The following PPP1R3A variants were observed in gnomAD, a reference collection of about 807,000 sequenced individuals.
The protein encoded by PPP1R3A is RG1.
PPP1R3A carries 29 observed loss-of-function variants against 41.7 expected under a neutral mutation model. That is an observed-to-expected ratio of 0.70 (90% CI 0.52 to 0.95). The LOEUF (loss-of-function observed/expected upper bound fraction) is 0.95. PPP1R3A is among the 40% of genes least tolerant of loss of function. The pLI, the probability that PPP1R3A is intolerant of heterozygous loss-of-function variation, is 0.00. For missense variants in PPP1R3A, 1,352 were observed against 1,292.4 expected (o/e 1.05, Z -0.71); for synonymous variants, 485 against 453.4 (o/e 1.07, Z -0.89).
chr7:113,894,011 G>A (rs1438002998), intron 1 of PPP1R3A, among the ~76,000 whole-genome samples: 5 of 151,920 alleles, frequency 3.3e-5, no homozygotes, highest in Non-Finnish European at 5.9e-5. Context: ...GTGGTAGGTG[G>A]TGGTGTTTTT....
chr7:113,905,709 C>A (rs183700147), intron 1 of PPP1R3A, among the ~76,000 whole-genome samples: 66 of 151,800 alleles, frequency 4.3e-4, no homozygotes, highest in African/African-American at 1.5e-3. Context: ...AGGGAAGGAC[C>A]AAGACTCTGC....
In PPP1R3A at chr7:113,878,762, T is replaced by C; in HGVS notation, c.2330A>G (p.Glu777Gly). 3 of 1,613,524 alleles carry C rather than the reference T, an allele frequency of 1.9e-6. No homozygotes were observed. The highest frequency in any genetic ancestry group is 2.5e-6 in the Non-Finnish European group (3 of 1,179,708). ...EVKETAFDPH[E>G]GRNDDSHYTL... ...ATAATGTGAATCATCATTTCTCCCT[T>C]CATGTGGATCAAACGCTGTTTCCTT... Residue 777 changes from glutamate to glycine, a missense_variant, in exon 4 of 4, where the codon GAA becomes GGA. Transcript: ENST00000284601.
At chr7:113,895,129 A>G (rs1796957094) in intron 1 of PPP1R3A, among the ~76,000 whole-genome samples, 1 of 151,924 alleles carries the variant, frequency 6.6e-6, no homozygotes, top group South Asian at 2.1e-4. Context: ...CATGTGGTTT[A>G]TTTTTTAAAG....
At position 113,918,689 on chromosome 7, in the gene PPP1R3A, T is replaced by G; in HGVS notation, c.308A>C (p.Glu103Ala). The G allele has an allele frequency of 6.2e-7, 1 of 1,613,734 alleles. No individual in the cohort carries two copies. Among genetic ancestry groups the G allele is most frequent in the Non-Finnish European group, 8.5e-7 (1 of 1,179,842 alleles). The change falls in exon 1 of 4, where the codon GAA becomes GCA. Residue 103 changes from glutamate (E) to alanine (A), a missense_variant. Glu to Ala is a moderately radical substitution (Grantham distance 107). Transcript: ENST00000284601. ...GTCAAACAGTGGGGCTAAAACATAT[T>G]CTTCTGTGTGGAAAATGTCCGTCCC... is the stretch of plus-strand genomic sequence containing the variant. ...DLGTDIFHTE[E>A]YVLAPLFDLP...
chr7:113,878,369 C>T lies in PPP1R3A; in HGVS notation c.2723G>A (p.Arg908Lys), dbSNP rs147747506. Reference sequence around the variant, plus strand: ...AAAAGGAGAGCTATTCTGAGGAGCTCTATTAGTGTCTGAGTTAAAAGCAGA... The same window carrying T: ...AAAAGGAGAGCTATTCTGAGGAGCTTTATTAGTGTCTGAGTTAAAAGCAGA... ...VHSAFNSDTN[R>K]APQNSSPFSK... Residue 908 changes from arginine to lysine, a missense_variant, in exon 4 of 4, where the codon AGA becomes AAA. Arg to Lys is a conservative substitution (Grantham distance 26). Coordinates refer to ENST00000284601, the MANE Select transcript of PPP1R3A (RefSeq NM_002711.4). The T allele has an allele frequency of 1.2e-6, 2 of 1,612,358 alleles. No individual in the cohort carries two copies. The highest frequency in any genetic ancestry group is 3.3e-5 in the Admixed American group (2 of 59,838).
At chr7:113,882,610 C>A (rs1796712733) in intron 1 of PPP1R3A, among the ~76,000 whole-genome samples, 1 of 151,716 alleles carries the variant, frequency 6.6e-6, no homozygotes, top group South Asian at 2.1e-4. Context: ...ACTTATATAA[C>A]CAAAGTAAAA....
At chr7:113,881,475 A>G (rs1235955598) in intron 3 of PPP1R3A, among the ~76,000 whole-genome samples, 4 of 152,082 alleles carry the variant, frequency 2.6e-5, no homozygotes, top group African/African-American at 2.4e-5. Flanking sequence ...TATGAAATTT[A>G]TAACAAATTT....
intron 1 of PPP1R3A, among the ~76,000 whole-genome samples, chr7:113,916,532 A>G (rs1797345901): frequency 6.6e-6 from 1 of 152,048 alleles, no homozygotes; most frequent in Admixed American, 6.6e-5. Flanking sequence ...ACAGTTCAGC[A>G]GGTATTGCTT....
chr7:113,908,354 AT>A (rs1298740973), intron 1 of PPP1R3A, among the ~76,000 whole-genome samples: 3 of 151,736 alleles, frequency 2.0e-5, no homozygotes, highest in African/African-American at 7.3e-5. Flanking sequence ...GTGTGTGTGT[AT>A]TTTTTCCACA....
intron 1 of PPP1R3A, among the ~76,000 whole-genome samples, chr7:113,893,800 C>G (rs1197955041): frequency 6.6e-6 from 1 of 152,090 alleles, no homozygotes; most frequent in African/African-American, 2.4e-5. Flanking sequence ...TTGCCCAGTA[C>G]CTCGGAGCTT....
chr7:113,905,799 G>A (rs187878249), intron 1 of PPP1R3A, among the ~76,000 whole-genome samples: 20 of 151,914 alleles, frequency 1.3e-4, no homozygotes, highest in Non-Finnish European at 2.4e-4. Flanking sequence ...CCACATAAGC[G>A]TCAGCACTAA....
rs763720752 is a variant in PPP1R3A, at chr7:113,918,985, A to C, written c.12T>G (p.Ser4=). 1.2e-6 allele frequency: 2 copies of C among 1,612,132 alleles called. No individual in the cohort carries two copies. The highest frequency in any genetic ancestry group is 1.7e-6 in the Non-Finnish European group (2 of 1,178,526). MEP[S]EVPSQISKDN... The stretch of plus-strand genomic sequence containing the variant: ...CTTTGCTAATCTGACTAGGTACTTC[A>C]GAAGGCTCCATTGGGCTCTCTGATA... The change falls in exon 1 of 4, where the codon TCT becomes TCG. Residue 4 remains serine (S), a synonymous_variant. Transcript: ENST00000284601.
chr7:113,882,543 C>T (rs1027795092), intron 1 of PPP1R3A, among the ~76,000 whole-genome samples: 4 of 151,558 alleles, frequency 2.6e-5, no homozygotes, highest in Admixed American at 6.6e-5. Flanking sequence ...TCAAACAATG[C>T]CATATTTCTA....
intron 1 of PPP1R3A, among the ~76,000 whole-genome samples, chr7:113,893,204 C>G (rs1431294113): frequency 6.6e-6 from 1 of 151,896 alleles, no homozygotes; most frequent in Admixed American, 6.6e-5. Context: ...TTTAAGAGCT[C>G]TACATCTGTA....
chr7:113,918,135 T>C (rs554229687), intron 1 of PPP1R3A, 80 bp downstream of exon 1: 1 of 1,376,008 alleles, frequency 7.3e-7, no homozygotes, highest in Non-Finnish European at 9.9e-7. Flanking sequence ...ATAGAGTCAC[T>C]TTCTTACAAC....
rs199556516 is a variant in PPP1R3A, at chr7:113,879,446, T to G, written c.1646A>C (p.Lys549Thr). Residue 549 changes from lysine to threonine, a missense_variant, in exon 4 of 4, where the codon AAA becomes ACA. Transcript: ENST00000284601. ...HDQERKMGNP[K>T]ISVAGIGASN... ...AGCTCCAATCCCTGCCACACTTATT[T>G]TAGGGTTACCCATCTTCCTTTCTTG... The G allele has an allele frequency of 1.2e-6, 2 of 1,613,502 alleles. No homozygotes were observed. The highest frequency in any genetic ancestry group is 2.2e-5 in the South Asian group (2 of 91,070).
Position 113,879,046 on chromosome 7 carries a change from A to G in PPP1R3A, c.2046T>C (p.Cys682=), listed in dbSNP as rs1377084834. The G allele has an allele frequency of 6.2e-7, 1 of 1,613,696 alleles. No individual in the cohort carries two copies. ...TATCTCTTTTTCCCCACACGTCTTC[A>G]CAATCTGTTTGTCCTTTGATATGCT... The part of the protein sequence containing the change: ...ITEHIKGQTD[C]EDVWGKRDNT... Residue 682 remains cysteine, a synonymous_variant, in exon 4 of 4, where the codon TGT becomes TGC. Coordinates refer to ENST00000284601, the MANE Select transcript of PPP1R3A (RefSeq NM_002711.4).
Position 113,878,472 on chromosome 7 carries a change from T to C in PPP1R3A, c.2620A>G (p.Thr874Ala). Reference protein sequence around the residue: ...LQLGMLPTDKTVFSENRDLRQ... With the variant: ...LQLGMLPTDKAVFSENRDLRQ... Reference sequence around the variant, plus strand: ...AGATCTCTGTTTTCTGAAAATACAGTTTTGTCTGTTGGTAACATTCCCAAC... The same window carrying C: ...AGATCTCTGTTTTCTGAAAATACAGCTTTGTCTGTTGGTAACATTCCCAAC... Residue 874 changes from threonine to alanine, a missense_variant, in exon 4 of 4, where the codon ACT becomes GCT. Physicochemically the swap from Thr to Ala is moderately conservative, Grantham distance 58 (BLOSUM62 0). Transcript: ENST00000284601. 1 of 1,612,954 alleles carries C rather than the reference T, an allele frequency of 6.2e-7. No individual in the cohort carries two copies. The highest frequency in any genetic ancestry group is 8.5e-7 in the Non-Finnish European group (1 of 1,179,620).
At chr7:113,883,364 C>G (rs934763479) in intron 1 of PPP1R3A, among the ~76,000 whole-genome samples, 5 of 151,872 alleles carry the variant, frequency 3.3e-5, no homozygotes, top group African/African-American at 1.2e-4. Flanking sequence ...CAATTCTGAT[C>G]CAAATCCCAG....
Sources: gnomAD v4.1 joint callset for allele counts (sites outside exome capture counted in the v4.1 genomes callset) on GRCh38, gnomAD v4.1.1 for gene constraint, MANE v1.5 for transcripts, NCBI Gene and HGNC (gene_info 2026-07-23, HGNC 2026-07-21) for gene names.